Variants in PTPRK observed in about 807,000 individuals in gnomAD.
The protein encoded by PTPRK is receptor-type tyrosine-protein phosphatase kappa.
In PTPRK, 75 loss-of-function variants were observed where a neutral mutation model predicts 178.0. The observed-to-expected ratio is 0.42, with a 90% confidence interval of 0.35 to 0.51. The LOEUF is 0.51. PTPRK is among the 20% of genes least tolerant of loss of function. The pLI is 0.02. For missense variants in PTPRK, 1,441 were observed against 1,797.8 expected (o/e 0.80, Z 3.59); for synonymous variants, 637 against 620.6 (o/e 1.03, Z -0.39).
At chr6:128,100,118 A>C (rs1378898188) in intron 7 of PTPRK, among the ~76,000 whole-genome samples, 1 of 152,052 alleles carries the variant, frequency 6.6e-6, no homozygotes, top group African/African-American at 2.4e-5. Context: ...TGAAAATGTG[A>C]CAAAAAGAAT....
chr6:128,206,435 T>C lies in PTPRK; in HGVS notation c.868+12487A>G, dbSNP rs539780456. On this transcript the variant is annotated intron_variant, in intron 6 of 29. Coordinates refer to ENST00000368226, the MANE Select transcript of PTPRK (RefSeq NM_002844.4). ...AAAAAAAAAAAAAAAAATCAGAGTG[T>C]CTTACACTGTTCCTAAGCCATTCAG... 2.1e-4 allele frequency among the ~76,000 whole-genome samples: 31 copies of C among 147,822 alleles called. 1 individual carries two copies. The South Asian group carries it at 4.3e-3, about 20-fold the overall frequency.
At position 128,249,694 on chromosome 6, in the gene PTPRK, A is replaced by G. The variant is rs146869908; in HGVS notation, c.496-7092T>C. ...CTATCCAGGCGCTTTCCACACATAT[A>G]CTGATGTCGTCAGGAAGACGATGAG... is the stretch of plus-strand genomic sequence containing the variant. On this transcript the variant is annotated intron_variant, in intron 3 of 29. Transcript: ENST00000368226. 2.8e-3 allele frequency among the ~76,000 whole-genome samples: 424 copies of G among 152,264 alleles called. 6 individuals are homozygous for G. The highest frequency in any genetic ancestry group is 0.025 in the Admixed American group (385 of 15,276).
intron 7 of PTPRK, among the ~76,000 whole-genome samples, chr6:128,184,025 C>T (rs763723908): frequency 6.6e-6 from 1 of 152,100 alleles, no homozygotes; most frequent in Non-Finnish European, 1.5e-5. Flanking sequence ...TAAGATGTGG[C>T]CTTTACACTG....
At chr6:128,334,829 G>A (rs900347027) in intron 2 of PTPRK, among the ~76,000 whole-genome samples, 33 of 152,238 alleles carry the variant, frequency 2.2e-4, no homozygotes, top group Middle Eastern at 3.4e-3. Context: ...GGTGGCTCAC[G>A]CCTGTAATCC....
intron 13 of PTPRK, among the ~76,000 whole-genome samples, chr6:128,039,777 A>T (rs920734886): frequency 6.6e-6 from 1 of 152,186 alleles, no homozygotes; most frequent in Non-Finnish European, 1.5e-5. Flanking sequence ...TAGTAACTGC[A>T]TACAGGTGTG....
intron 1 of PTPRK, among the ~76,000 whole-genome samples, chr6:128,431,621 C>G (rs1364198086): frequency 6.6e-6 from 1 of 152,176 alleles, no homozygotes. Flanking sequence ...ATGCTCAAGA[C>G]ATGGTCATGT....
chr6:128,295,766 C>T (rs1049190991), intron 3 of PTPRK, among the ~76,000 whole-genome samples: 5 of 152,008 alleles, frequency 3.3e-5, no homozygotes, highest in African/African-American at 1.2e-4. Flanking sequence ...GCTTGATTCT[C>T]CAAAATTAAA....
chr6:128,506,809 T>G (rs1319993093), intron 1 of PTPRK, among the ~76,000 whole-genome samples: 2 of 152,120 alleles, frequency 1.3e-5, no homozygotes, highest in African/African-American at 4.8e-5. Flanking sequence ...TTGAGCTGAT[T>G]TACTTCAGGC....
At chr6:128,114,392 C>A (rs1434819180) in intron 7 of PTPRK, among the ~76,000 whole-genome samples, 2 of 151,536 alleles carry the variant, frequency 1.3e-5, no homozygotes, top group African/African-American at 2.4e-5. Flanking sequence ...CGGAGGTGGG[C>A]GGATCACCTA....
In PTPRK at chr6:128,162,427, T is replaced by C. The variant is rs534092240; in HGVS notation, c.1162+22005A>G. 2.4e-4 allele frequency among the ~76,000 whole-genome samples: 37 copies of C among 151,784 alleles called. No individual in the cohort carries two copies. In the South Asian group the frequency reaches 7.5e-3, roughly 31 times the overall value. On this transcript the variant is annotated intron_variant, in intron 7 of 29. Transcript: ENST00000368226. Reference sequence around the variant, plus strand: ...TTTTGGGCCTTCCCATGTCTGCATGTGTTGGGAAAGCCAGAATGTGGGTAT... The same window carrying C: ...TTTTGGGCCTTCCCATGTCTGCATGCGTTGGGAAAGCCAGAATGTGGGTAT...
At chr6:128,082,333 A>G (rs1185602602) in intron 10 of PTPRK, 104 bp downstream of exon 10, 4 of 1,088,290 alleles carry the variant, frequency 3.7e-6, no homozygotes, top group Non-Finnish European at 5.6e-6. Flanking sequence ...TAAAGGTTCA[A>G]CAAGCAAGAT....
intron 7 of PTPRK, among the ~76,000 whole-genome samples, chr6:128,104,697 T>C (rs1789394206): frequency 6.6e-6 from 1 of 152,160 alleles, no homozygotes; most frequent in African/African-American, 2.4e-5. Context: ...TACTCTTCGG[T>C]AACAGAAAAG....
intron 1 of PTPRK, among the ~76,000 whole-genome samples, chr6:128,496,485 T>C (rs1854679723): frequency 6.6e-6 from 1 of 152,224 alleles, no homozygotes; most frequent in African/African-American, 2.4e-5. Context: ...TTAATGAATA[T>C]TTGATGAATA....
At chr6:128,463,140 A>T (rs1849297643) in intron 1 of PTPRK, among the ~76,000 whole-genome samples, 1 of 152,194 alleles carries the variant, frequency 6.6e-6, no homozygotes, top group African/African-American at 2.4e-5. Context: ...CAAAAGGTAA[A>T]ATATTTAAAA....
At chr6:128,074,150 C>T (rs985352139) in intron 11 of PTPRK, among the ~76,000 whole-genome samples, 1 of 151,910 alleles carries the variant, frequency 6.6e-6, no homozygotes, top group African/African-American at 2.4e-5. Flanking sequence ...AATTATCAAA[C>T]TAAATAGGTG....
At chr6:128,218,510 T>A (rs1293494968) in intron 6 of PTPRK, among the ~76,000 whole-genome samples, 2 of 152,176 alleles carry the variant, frequency 1.3e-5, no homozygotes, top group African/African-American at 4.8e-5. Flanking sequence ...CCAGTAAAAT[T>A]TGTAGGACTA....
chr6:128,274,329 C>T (rs559377469), intron 3 of PTPRK, among the ~76,000 whole-genome samples: 13 of 152,168 alleles, frequency 8.5e-5, no homozygotes, highest in Admixed American at 7.2e-4. Context: ...AACTAAATTC[C>T]ATCTTCCAGC....
intron 5 of PTPRK, among the ~76,000 whole-genome samples, chr6:128,224,731 G>A (rs927777056): frequency 2.6e-5 from 4 of 152,148 alleles, no homozygotes; most frequent in Non-Finnish European, 5.9e-5. Flanking sequence ...AATTGGTCAA[G>A]TTATTTCTAA....
At chr6:128,397,336 T>C (rs1365442131) in intron 2 of PTPRK, among the ~76,000 whole-genome samples, 2 of 151,818 alleles carry the variant, frequency 1.3e-5, no homozygotes, top group East Asian at 1.9e-4. Flanking sequence ...TTTTATTAAA[T>C]AGAAAAAAAC....
Sources: allele counts gnomAD v4.1 joint callset (sites outside exome capture counted in the v4.1 genomes callset), GRCh38; gene constraint gnomAD v4.1.1; transcripts MANE v1.5; gene names NCBI Gene and HGNC (gene_info 2026-07-23, HGNC 2026-07-21).